IGF1R: variants seen among roughly 807,000 people sequenced by gnomAD.
IGF1R encodes the protein insulin like growth factor 1 receptor, also known as insulin-like growth factor 1 receptor.
IGF1R carries 44 observed loss-of-function variants against 144.6 expected under a neutral mutation model. The ratio of observed to expected loss-of-function variants is 0.30; its 90% confidence interval spans 0.24 to 0.39. IGF1R has a LOEUF of 0.39. Among genes scored for constraint, IGF1R ranks in the 10% least tolerant of loss-of-function variants. IGF1R has a pLI of 1.00. For missense variants in IGF1R, 1,355 were observed against 1,833.7 expected (o/e 0.74, Z 4.77); for synonymous variants, 795 against 722.8 (o/e 1.10, Z -1.60).
chr15:98,749,591 C>T (rs1278336275), intron 2 of IGF1R, among the ~76,000 whole-genome samples: 3 of 152,158 alleles, frequency 2.0e-5, no homozygotes, highest in African/African-American at 7.2e-5. Context: ...TGAATGGTTA[C>T]AAATTGTTTG....
chr15:98,948,373 A>C (rs1258652299), intron 19 of IGF1R, among the ~76,000 whole-genome samples: 1 of 152,170 alleles, frequency 6.6e-6, no homozygotes, highest in Non-Finnish European at 1.5e-5. Context: ...GGCTGAATTT[A>C]GTTTACGGGG....
At chr15:98,755,602 G>A (rs141272622) in intron 2 of IGF1R, among the ~76,000 whole-genome samples, 2,143 of 151,592 alleles carry the variant, frequency 0.014, 56 homozygotes, top group African/African-American at 0.049. Flanking sequence ...TTAGCTGGGC[G>A]TGGTGGCAGT....
intron 2 of IGF1R, among the ~76,000 whole-genome samples, chr15:98,788,570 G>A (rs2056059499): frequency 6.6e-6 from 1 of 152,172 alleles, no homozygotes; most frequent in Non-Finnish European, 1.5e-5. Flanking sequence ...CCTGTTTGGG[G>A]GAGTCTTTTC....
intron 11 of IGF1R, among the ~76,000 whole-genome samples, chr15:98,922,693 C>A (rs1037836897): frequency 1.3e-5 from 2 of 152,254 alleles, no homozygotes; most frequent in African/African-American, 4.8e-5. Flanking sequence ...AGGGTCCACC[C>A]TCCACCTGCT....
At chr15:98,684,373 T>G (rs887490240) in intron 1 of IGF1R, among the ~76,000 whole-genome samples, 2 of 151,150 alleles carry the variant, frequency 1.3e-5, no homozygotes, top group African/African-American at 2.4e-5. Context: ...CTCTGTGGGG[T>G]TTTTTTTGTT....
intron 2 of IGF1R, among the ~76,000 whole-genome samples, chr15:98,767,811 G>T (rs2055472661): frequency 6.6e-6 from 1 of 152,228 alleles, no homozygotes; most frequent in African/African-American, 2.4e-5. Context: ...TCCTGCTGGT[G>T]CCGGTAGGAC....
chr15:98,656,952 T>C (rs1017645270), intron 1 of IGF1R, among the ~76,000 whole-genome samples: 1 of 152,278 alleles, frequency 6.6e-6, no homozygotes, highest in Non-Finnish European at 1.5e-5. Context: ...AATACCACTT[T>C]AAAAATTACT....
chr15:98,786,988 T>A (rs1451614671), intron 2 of IGF1R, among the ~76,000 whole-genome samples: 1 of 152,132 alleles, frequency 6.6e-6, no homozygotes, highest in African/African-American at 2.4e-5. Flanking sequence ...TAGCACTATT[T>A]CTGGTTGGTG....
At chr15:98,751,797 G>A (rs184335379) in intron 2 of IGF1R, among the ~76,000 whole-genome samples, 10 of 152,254 alleles carry the variant, frequency 6.6e-5, no homozygotes, top group Admixed American at 3.3e-4. Flanking sequence ...TGTTCACATT[G>A]TCTTTGGGAG....
At chr15:98,758,448 G>A (rs988398472) in intron 2 of IGF1R, among the ~76,000 whole-genome samples, 1 of 152,156 alleles carries the variant, frequency 6.6e-6, no homozygotes, top group African/African-American at 2.4e-5. Context: ...TCATGGGTTA[G>A]TGTCACTCAA....
chr15:98,770,617 A>G (rs183232863), intron 2 of IGF1R, among the ~76,000 whole-genome samples: 36 of 152,334 alleles, frequency 2.4e-4, no homozygotes, highest in Non-Finnish European at 3.8e-4. Context: ...AAAGGGGAAG[A>G]CATAGGTGTA....
At chr15:98,898,240 C>G (rs2014301861) in intron 4 of IGF1R, among the ~76,000 whole-genome samples, 1 of 152,306 alleles carries the variant, frequency 6.6e-6, no homozygotes, top group African/African-American at 2.4e-5. Flanking sequence ...CTAGAACATA[C>G]CTTTTGAGTG....
At chr15:98,948,832 G>C in intron 20 of IGF1R, 124 bp downstream of exon 20, 1 of 1,155,938 alleles carries the variant, frequency 8.7e-7, no homozygotes, top group Non-Finnish European at 1.3e-6. Flanking sequence ...CTTGCCAGGC[G>C]TGGCTAAGAG....
chr15:98,812,629 A>G (rs1452279299), intron 2 of IGF1R, among the ~76,000 whole-genome samples: 1 of 152,138 alleles, frequency 6.6e-6, no homozygotes. Flanking sequence ...AAGTGCTGGG[A>G]TTACAGGCGT....
intron 10 of IGF1R, 97 bp downstream of exon 10, chr15:98,916,973 G>C (rs749774039): frequency 1.9e-6 from 2 of 1,038,416 alleles, no homozygotes; most frequent in Non-Finnish European, 3.0e-6. Context: ...GTCAGCAGCT[G>C]GGGGGTACAA....
chr15:98,964,062 T>TA lies in IGF1R; in HGVS notation c.*6622dup, dbSNP rs2017330806. 4.3e-6 allele frequency: 1 copy of TA among 233,256 alleles called. No homozygotes were observed. 14.4% of individuals were successfully genotyped at this position (233,256 alleles called of 1,614,324 possible). The stretch of plus-strand genomic sequence containing the variant: ...CCGGTGAAAACACCTGTCTGCTTTC[T>TA]AAGCCAGTGAGGTTGAGGTGAGAGG... On this transcript the variant is annotated 3_prime_UTR_variant, in exon 21 of 21. Transcript: ENST00000650285.
chr15:98,666,758 A>G (rs148149587), intron 1 of IGF1R, among the ~76,000 whole-genome samples: 3,685 of 152,118 alleles, frequency 0.024, 63 homozygotes, highest in Middle Eastern at 0.075. Context: ...AGCAATGAGG[A>G]ATTGGTGTTT....
At chr15:98,921,824 T>C (rs1287099308) in intron 10 of IGF1R, among the ~76,000 whole-genome samples, 1 of 152,122 alleles carries the variant, frequency 6.6e-6, no homozygotes, top group Non-Finnish European at 1.5e-5. Flanking sequence ...TGTGACCAGA[T>C]GGCCTGAGTG....
chr15:98,652,237 T>G (rs1440458288), intron 1 of IGF1R, among the ~76,000 whole-genome samples: 1 of 152,244 alleles, frequency 6.6e-6, no homozygotes. Flanking sequence ...TTCTGAGTGA[T>G]AGCCAGATAA....
Sources: gnomAD v4.1 joint callset for allele counts (sites outside exome capture counted in the v4.1 genomes callset) on GRCh38, gnomAD v4.1.1 for gene constraint, MANE v1.5 for transcripts, NCBI Gene and HGNC (gene_info 2026-07-23, HGNC 2026-07-21) for gene names.